Variants in SELENOW observed in about 807,000 individuals in gnomAD.
SELENOW encodes the protein selenoprotein W, 1.
A neutral mutation model predicts 16.6 loss-of-function variants in SELENOW; 20 were observed. That is an observed-to-expected ratio of 1.21 (90% CI 0.85 to 1.76). SELENOW has a LOEUF of 1.76. SELENOW is among the 40% of genes most tolerant of loss of function. SELENOW has a pLI of 0.00. For missense variants in SELENOW, 124 were observed against 111.0 expected, an observed-to-expected ratio of 1.12 and a Z score of -0.53; for synonymous variants, 44 against 46.2, an observed-to-expected ratio of 0.95 and a Z score of 0.19.
intron 5 of SELENOW, chr19:47,782,998 G>A (rs1967493422): frequency 6.6e-6 from 1 of 152,186 alleles, no homozygotes; most frequent in Non-Finnish European, 1.5e-5. Flanking sequence ...TTCTAGAACA[G>A]TTACTAGCCC....
intron 5 of SELENOW, 178 bp downstream of exon 5, chr19:47,781,566 G>C: frequency 1.6e-6 from 1 of 607,516 alleles, no homozygotes; most frequent in Non-Finnish European, 2.9e-6. Context: ...GATGGGGTCA[G>C]AGGTGTGCAG....
chr19:47,784,429 C>T lies in SELENOW; in HGVS notation c.*158C>T, dbSNP rs1026139268. ...AGATTGACGCCCCCGGTCTTTGCCT[C>T]TGAGCGGGAGAGTCTGTGTGTATGT... is the stretch of plus-strand genomic sequence containing the variant. On this transcript the variant is annotated 3_prime_UTR_variant, in exon 6 of 6. Coordinates refer to ENST00000601048, the MANE Select transcript of SELENOW (RefSeq NM_003009.4). The T allele has an allele frequency of 6.6e-6, 1 of 152,626 alleles. No individual in the cohort carries two copies. The highest frequency in any genetic ancestry group is 2.4e-5 in the African/African-American group (1 of 41,438). 9.5% of individuals were successfully genotyped at this position (152,626 alleles called of 1,614,324 possible). A position where few individuals can be genotyped will look rare whatever the true frequency, so the allele number is the denominator to read the frequency against.
In SELENOW at chr19:47,781,399, C is replaced by T. The variant is rs1180626313; in HGVS notation, c.*18+11C>T. The T allele has an allele frequency of 1.4e-6, 2 of 1,423,194 alleles. No individual in the cohort carries two copies. Among genetic ancestry groups the T allele is most frequent in the Non-Finnish European group, 1.9e-6 (2 of 1,026,204 alleles). 88.2% of individuals were successfully genotyped at this position (1,423,194 alleles called of 1,614,324 possible). A position where few individuals can be genotyped will look rare whatever the true frequency, so the allele number is the denominator to read the frequency against. On this transcript the variant is annotated intron_variant, in intron 5 of 5. Transcript: ENST00000601048. ...GCCCTGAAGGCAGAGGTGAGGGGGC[C>T]CACTAGACAGGGACACCACCCTTTG...
chr19:47,781,106 A>C lies in SELENOW; in HGVS notation c.109-2A>C. On this transcript the variant is annotated splice_acceptor_variant, in intron 3 of 5. Coordinates refer to ENST00000601048, the MANE Select transcript of SELENOW (RefSeq NM_003009.4). LOFTEE classifies it high-confidence loss of function. Reference sequence around the variant, plus strand: ...AACATCTCCCCTACCCCCTTTCCTCAGTGCGGCGAGGGAACTCCCCAGGCC... The same window carrying C: ...AACATCTCCCCTACCCCCTTTCCTCCGTGCGGCGAGGGAACTCCCCAGGCC... 6.2e-7 allele frequency: 1 copy of C among 1,613,192 alleles called. No individual in the cohort carries two copies. Among genetic ancestry groups the C allele is most frequent in the Middle Eastern group, 1.6e-4 (1 of 6,062 alleles).
chr19:47,780,637 C>T (rs967815388), intron 1 of SELENOW, 88 bp from the exon 2 acceptor site: 3 of 1,169,520 alleles, frequency 2.6e-6, no homozygotes, highest in Non-Finnish European at 1.2e-6. Flanking sequence ...TGCTCTCTCC[C>T]CACACCGCCT....
chr19:47,780,056 C>A, intron 1 of SELENOW: 1 of 445,620 alleles, frequency 2.2e-6, no homozygotes, highest in Non-Finnish European at 4.5e-6. Context: ...AAATAGCCTG[C>A]TGTGGGGGTT....
rs908397752 is a variant in SELENOW, at chr19:47,781,396, G to A, written c.*18+8G>A. On this transcript the variant is annotated splice_region_variant and intron_variant, in intron 5 of 5. Coordinates refer to ENST00000601048, the MANE Select transcript of SELENOW (RefSeq NM_003009.4). ...TGCGCCCTGAAGGCAGAGGTGAGGGGGCCCACTAGACAGGGACACCACCCT... is the reference window on the plus strand; with the variant it reads ...TGCGCCCTGAAGGCAGAGGTGAGGGAGCCCACTAGACAGGGACACCACCCT... 9 of 1,458,604 alleles carry A rather than the reference G, an allele frequency of 6.2e-6. No individual in the cohort carries two copies. The highest frequency in any genetic ancestry group is 1.4e-5 in the African/African-American group (1 of 71,558). The allele number at this position is 1,458,604 out of a possible 1,614,324, so 90.4% of individuals were successfully genotyped here.
Position 47,781,185 on chromosome 19 carries a change from A to G in SELENOW, c.183+3A>G, listed in dbSNP as rs2123697547. ...GGAAGTTGATTCACTCTAAGAAGGTATGTCTGTCTGTCCGTCCTGCCTGGT... is the reference window on the plus strand; with the variant it reads ...GGAAGTTGATTCACTCTAAGAAGGTGTGTCTGTCTGTCCGTCCTGCCTGGT... On this transcript the variant is annotated splice_donor_region_variant and intron_variant, in intron 4 of 5. Transcript: ENST00000601048. 3 of 1,613,502 alleles carry G rather than the reference A, an allele frequency of 1.9e-6. No individual in the cohort carries two copies. Among genetic ancestry groups the G allele is most frequent in the Non-Finnish European group, 2.5e-6 (3 of 1,179,592 alleles).
In SELENOW at chr19:47,778,728, G is replaced by C; in HGVS notation, c.-58G>C. On this transcript the variant is annotated 5_prime_UTR_variant, in exon 1 of 6. Coordinates refer to ENST00000601048, the MANE Select transcript of SELENOW (RefSeq NM_003009.4). ...ACTCGCGCAGACCTAGCGCGTCCAGGTGGGAGGTTAGTGTGGCCCGGGCGT... is the reference window on the plus strand; with the variant it reads ...ACTCGCGCAGACCTAGCGCGTCCAGCTGGGAGGTTAGTGTGGCCCGGGCGT... 6.4e-7 allele frequency: 1 copy of C among 1,571,804 alleles called. No individual in the cohort carries two copies. Among genetic ancestry groups the C allele is most frequent in the Non-Finnish European group, 8.6e-7 (1 of 1,158,794 alleles).
At chr19:47,779,174 C>G (rs116732324) in intron 1 of SELENOW, 1 of 258,544 alleles carries the variant, frequency 3.9e-6, no homozygotes, top group Non-Finnish European at 7.4e-6. Flanking sequence ...CCCAATATCC[C>G]GAACAGTCGC....
chr19:47,778,779 C>T lies in SELENOW; in HGVS notation c.-7C>T. 1 of 1,604,412 alleles carries T rather than the reference C, an allele frequency of 6.2e-7. No individual in the cohort carries two copies. Among genetic ancestry groups the T allele is most frequent in the Non-Finnish European group, 8.5e-7 (1 of 1,176,340 alleles). ...CCGCTCCTCAGCGGATGTGGCAGCCCCGAGCCATGGCTCTCGCCGTCCGAG... is the reference window on the plus strand; with the variant it reads ...CCGCTCCTCAGCGGATGTGGCAGCCTCGAGCCATGGCTCTCGCCGTCCGAG... On this transcript the variant is annotated 5_prime_UTR_variant, in exon 1 of 6. Transcript: ENST00000601048.
chr19:47,782,248 C>T (rs916750441), intron 5 of SELENOW: 1 of 152,348 alleles, frequency 6.6e-6, no homozygotes, highest in African/African-American at 2.4e-5. Context: ...TATTCCAGAC[C>T]TGATCCAGCT....
intron 1 of SELENOW, 110 bp downstream of exon 1, chr19:47,778,924 A>G: frequency 2.7e-6 from 3 of 1,091,588 alleles, no homozygotes; most frequent in Non-Finnish European, 3.9e-6. Flanking sequence ...CTTGTATGGG[A>G]AAAGGGAGCC....
chr19:47,780,747 A>G lies in SELENOW; in HGVS notation c.52A>G (p.Lys18Glu). Residue 18 changes from lysine (K) to glutamate (E), a missense_variant and splice_region_variant, in exon 2 of 6, where the codon AAG becomes GAG. Physicochemically the swap from Lys to Glu is moderately conservative, Grantham distance 56. Transcript: ENST00000601048. ...CAGTGGCGCTTGAGGCTACAAGTCC[A>G]AGGTAAGCAGAGTGGATGCCCGGGG... ...VYCGAUGYKS[K>E]YLQLKKKLED... 1 of 1,563,808 alleles carries G rather than the reference A, an allele frequency of 6.4e-7. No homozygotes were observed. Among genetic ancestry groups the G allele is most frequent in the Non-Finnish European group, 8.7e-7 (1 of 1,154,704 alleles).
intron 3 of SELENOW, 73 bp downstream of exon 3, chr19:47,780,990 A>T (rs749820388): frequency 6.4e-7 from 1 of 1,569,182 alleles, no homozygotes; most frequent in Non-Finnish European, 8.8e-7. Context: ...ATGGCACTGC[A>T]GGGGGGTTAG....
At chr19:47,781,694 C>CT in intron 5 of SELENOW, 2 of 454,962 alleles carry the variant, frequency 4.4e-6, no homozygotes, top group Non-Finnish European at 8.1e-6. Flanking sequence ...AGGATGACAG[C>CT]TGAGATGGTG....
chr19:47,783,299 C>G (rs1478465021), intron 5 of SELENOW: 1 of 152,042 alleles, frequency 6.6e-6, no homozygotes, highest in Non-Finnish European at 1.5e-5. Context: ...CTCCCGGGTT[C>G]ACGCCATTCT....
chr19:47,784,123 C>G (rs953546384), intron 5 of SELENOW, 167 bp from the exon 6 acceptor site: 1 of 152,188 alleles, frequency 6.6e-6, no homozygotes, highest in Non-Finnish European at 1.5e-5. Context: ...TGGTCTCAAA[C>G]TCTTGGGCTC....
In SELENOW at chr19:47,779,634, C is replaced by G. The variant is rs201938903; in HGVS notation, c.29+820C>G. ...CCTGGGCAACCCAGGGAGACCCCCCCCTCGTCTCTACAGAAACTTAAAAAG... is the reference window on the plus strand; with the variant it reads ...CCTGGGCAACCCAGGGAGACCCCCCGCTCGTCTCTACAGAAACTTAAAAAG... On this transcript the variant is annotated intron_variant, in intron 1 of 5. Transcript: ENST00000601048. 7.1e-3 allele frequency: 1,085 copies of G among 151,974 alleles called. 25 individuals are homozygous for G. The highest frequency in any genetic ancestry group is 0.046 in the Admixed American group (700 of 15,240). 9.4% of individuals were successfully genotyped at this position (151,974 alleles called of 1,614,324 possible).
Sources: gnomAD v4.1 joint callset for allele counts on GRCh38, gnomAD v4.1.1 for gene constraint, MANE v1.5 for transcripts, NCBI Gene and HGNC (gene_info 2026-07-23, HGNC 2026-07-21) for gene names.